LCA5: variants seen among roughly 807,000 people sequenced by gnomAD.
LCA5 encodes the protein lebercilin LCA5.
In LCA5, 37 loss-of-function variants were observed where a neutral mutation model predicts 53.0. The ratio of observed to expected loss-of-function variants is 0.70; its 90% CI spans 0.54 to 0.92. The LOEUF (loss-of-function observed/expected upper bound fraction) is 0.92, where lower values mean the gene tolerates loss of function less well. Among genes scored for constraint, LCA5 ranks in the 40% least tolerant of loss-of-function variants. The pLI is 0.00. For missense variants in LCA5, 806 were observed against 790.5 expected (o/e 1.02, Z -0.23); for synonymous variants, 303 against 282.9 (o/e 1.07, Z -0.71).
At chr6:79,520,949 C>T (rs1766606998) in intron 1 of LCA5, among the ~76,000 whole-genome samples, 1 of 152,000 alleles carries the variant, frequency 6.6e-6, no homozygotes, top group African/African-American at 2.4e-5. Context: ...AATGGGTTCG[C>T]TAGGGTAGGG....
At chr6:79,489,616 A>G (rs1357575574) in intron 6 of LCA5, among the ~76,000 whole-genome samples, 1 of 152,146 alleles carries the variant, frequency 6.6e-6, no homozygotes, top group Non-Finnish European at 1.5e-5. Context: ...CTATAACATG[A>G]GCAGTGACAA....
rs1389052629 is a variant in LCA5 at position 79,519,096 on chromosome 6, G to T, written c.-191-11C>A. On this transcript the variant is annotated splice_polypyrimidine_tract_variant and intron_variant, in intron 1 of 7. Coordinates refer to ENST00000369846, the MANE Select transcript of LCA5 (RefSeq NM_001122769.3). ...ATAAACTTTTTTGCCCTGAAATTAA[G>T]GAAGGGGAAAGGAGACTTATCATAC... 4 of 627,176 alleles carry T rather than the reference G, an allele frequency of 6.4e-6. No individual in the cohort carries two copies. The allele number at this position is 627,176 out of a possible 1,614,324, so 38.9% of individuals were successfully genotyped here.
At chr6:79,531,581 C>G (rs1007561786) in intron 1 of LCA5, among the ~76,000 whole-genome samples, 6 of 152,124 alleles carry the variant, frequency 3.9e-5, no homozygotes, top group African/African-American at 1.4e-4. Context: ...CAGCTTTTGT[C>G]AAGCTCACCA....
Position 79,487,601 on chromosome 6 carries a change from T to C in LCA5, c.1497A>G (p.Leu499=), listed in dbSNP as rs199557499. 34 of 1,614,060 alleles carry C rather than the reference T, an allele frequency of 2.1e-5. No homozygotes were observed. Among genetic ancestry groups the C allele is most frequent in the Non-Finnish European group, 2.7e-5 (32 of 1,179,924 alleles). ...TTTTGGGGCTTCTCTCTGGGGAGTG[T>C]AGTTTTGATTCAAAATCAGGTAACA... The part of the protein sequence containing the change: ...LPLLPDFESK[L]HSPERSPKTY... The change falls in exon 8 of 8, where the codon CTA becomes CTG. Residue 499 remains leucine (L), a synonymous_variant. Transcript: ENST00000369846.
intron 3 of LCA5, among the ~76,000 whole-genome samples, chr6:79,510,939 G>C (rs538587831): frequency 6.6e-6 from 1 of 152,036 alleles, no homozygotes; most frequent in East Asian, 1.9e-4. Context: ...AGGATGCTGA[G>C]AAACTGGACC....
chr6:79,500,107 T>C (rs1358565181), intron 3 of LCA5, among the ~76,000 whole-genome samples: 1 of 151,958 alleles, frequency 6.6e-6, no homozygotes, highest in East Asian at 1.9e-4. Flanking sequence ...TGTTGGACAT[T>C]TGGGTTGGTT....
At chr6:79,518,504 T>G (rs1766513733) in intron 2 of LCA5, among the ~76,000 whole-genome samples, 1 of 152,182 alleles carries the variant, frequency 6.6e-6, no homozygotes, top group African/African-American at 2.4e-5. Flanking sequence ...ACTGTATGAC[T>G]TTGAATATAA....
In LCA5 at chr6:79,492,619, T is replaced by C. The variant is rs1769875455; in HGVS notation, c.887A>G (p.Asn296Ser). The change falls in exon 5 of 8, where the codon AAT (asparagine) becomes AGT (serine). Residue 296 changes from asparagine (N) to serine (S), a missense_variant. Asn to Ser is a conservative substitution (Grantham distance 46, BLOSUM62 1). Coordinates refer to ENST00000369846, the MANE Select transcript of LCA5 (RefSeq NM_001122769.3). Reference sequence around the variant, plus strand: ...CTTTGGCAGACGATTAGAATATATATTTTTTATATCCAGTTCTCTCTCCTT... The same window carrying C: ...CTTTGGCAGACGATTAGAATATATACTTTTTATATCCAGTTCTCTCTCCTT... ...KEKERELDIK[N>S]IYSNRLPKSS... is the part of the protein sequence containing the mutation. 1.9e-6 allele frequency: 3 copies of C among 1,554,544 alleles called. No individual in the cohort carries two copies. Among genetic ancestry groups the C allele is most frequent in the Non-Finnish European group, 2.6e-6 (3 of 1,133,006 alleles).
At chr6:79,495,051 CAGG>C (rs1254802483) in intron 3 of LCA5, among the ~76,000 whole-genome samples, 4 of 152,202 alleles carry the variant, frequency 2.6e-5, no homozygotes, top group Non-Finnish European at 5.9e-5. Flanking sequence ...GCTTGCACAG[CAGG>C]AGGTGAGTGG....
At chr6:79,529,526 G>C (rs1331296960) in intron 1 of LCA5, among the ~76,000 whole-genome samples, 1 of 152,046 alleles carries the variant, frequency 6.6e-6, no homozygotes. Flanking sequence ...AGGAGATGGG[G>C]TAATCCATCA....
At chr6:79,531,881 C>T (rs979620259) in intron 1 of LCA5, among the ~76,000 whole-genome samples, 2 of 152,166 alleles carry the variant, frequency 1.3e-5, no homozygotes, top group Non-Finnish European at 2.9e-5. Context: ...CACAGGGCAG[C>T]ACATGTTATC....
Position 79,513,631 on chromosome 6 carries a change from T to C in LCA5, c.301A>G (p.Thr101Ala), listed in dbSNP as rs746720268. ...EPLRKDTDLV[T>A]KRILSARLLK... ...AGTCTTGCAGACAGAATCCGTTTTG[T>C]AACAAGATCAGTATCTTTCCGAAGT... is the stretch of plus-strand genomic sequence containing the variant. Residue 101 changes from threonine to alanine, a missense_variant, in exon 3 of 8, where the codon ACA (threonine) becomes GCA (alanine). Physicochemically the swap from Thr to Ala is moderately conservative, Grantham distance 58 (BLOSUM62 0). Coordinates refer to ENST00000369846, the MANE Select transcript of LCA5 (RefSeq NM_001122769.3). 13 of 1,613,760 alleles carry C rather than the reference T, an allele frequency of 8.1e-6. No homozygotes were observed. In the East Asian group the frequency reaches 2.9e-4, roughly 36 times the overall value.
chr6:79,487,234 T>C lies in LCA5; in HGVS notation c.1864A>G (p.Ser622Gly). The change falls in exon 8 of 8, where the codon AGT (serine) becomes GGT (glycine). Residue 622 changes from serine to glycine, a missense_variant. Physicochemically the swap from Ser to Gly is moderately conservative, Grantham distance 56 (BLOSUM62 0). Transcript: ENST00000369846. ...CTGGAAGCCACAGAATTTGGGTCAC[T>C]GCTTTTGGAGGAAATGGTGCTGCTA... Reference protein sequence around the residue: ...SGSSTISSKSSDPNSVASSKG... With the variant: ...SGSSTISSKSGDPNSVASSKG... 1 of 1,614,130 alleles carries C rather than the reference T, an allele frequency of 6.2e-7. No homozygotes were observed. The highest frequency in any genetic ancestry group is 2.2e-5 in the East Asian group (1 of 44,886).
chr6:79,527,696 A>G (rs931920023), intron 1 of LCA5, among the ~76,000 whole-genome samples: 1 of 152,222 alleles, frequency 6.6e-6, no homozygotes, highest in African/African-American at 2.4e-5. Context: ...TCCCTGCCAA[A>G]TAACTGCCAG....
At chr6:79,491,953 A>C (rs1769857425) in intron 5 of LCA5, among the ~76,000 whole-genome samples, 1 of 151,992 alleles carries the variant, frequency 6.6e-6, no homozygotes, top group African/African-American at 2.4e-5. Context: ...CACTATTACT[A>C]TTTTTGTTTC....
chr6:79,526,139 AG>A (rs1411949714), intron 1 of LCA5, among the ~76,000 whole-genome samples: 2 of 152,232 alleles, frequency 1.3e-5, no homozygotes, highest in African/African-American at 4.8e-5. Context: ...AAATGCCCAA[AG>A]CAGGAAAACT....
chr6:79,508,505 A>G (rs1336295441), intron 3 of LCA5, among the ~76,000 whole-genome samples: 1 of 151,630 alleles, frequency 6.6e-6, no homozygotes, highest in African/African-American at 2.4e-5. Flanking sequence ...AGGAATTGCA[A>G]CTAGCAAGAA....
At chr6:79,494,726 C>T (rs967738727) in intron 3 of LCA5, among the ~76,000 whole-genome samples, 2 of 152,106 alleles carry the variant, frequency 1.3e-5, no homozygotes, top group Non-Finnish European at 2.9e-5. Context: ...GGAATAGTAT[C>T]GTACTTTACA....
chr6:79,504,253 T>C (rs1168291632), intron 3 of LCA5, among the ~76,000 whole-genome samples: 1 of 152,170 alleles, frequency 6.6e-6, no homozygotes, highest in Non-Finnish European at 1.5e-5. Flanking sequence ...CATACACATA[T>C]AAAAACTTAC....
Sources: allele counts gnomAD v4.1 joint callset (sites outside exome capture counted in the v4.1 genomes callset), GRCh38; gene constraint gnomAD v4.1.1; transcripts MANE v1.5; gene names NCBI Gene and HGNC (gene_info 2026-07-23, HGNC 2026-07-21).